PCSK2: variants seen among roughly 807,000 people sequenced by gnomAD.
PCSK2 encodes proprotein convertase subtilisin/kexin type 2, also known as neuroendocrine convertase 2.
Under a neutral mutation model 69.7 loss-of-function variants are expected in PCSK2, and 14 were observed. The ratio of observed to expected loss-of-function variants is 0.20; its 90% CI spans 0.13 to 0.31. PCSK2 has a LOEUF of 0.31. PCSK2 is among the 10% of genes least tolerant of loss of function. PCSK2 has a pLI of 1.00. For synonymous variants in PCSK2, 307 were observed against 320.7 expected, an observed-to-expected ratio of 0.96 and a Z score of 0.46; for missense variants, 544 against 842.5, an observed-to-expected ratio of 0.65 and a Z score of 4.39.
Position 17,409,269 on chromosome 20 carries a change from G to C in PCSK2, c.550G>C (p.Glu184Gln). The C allele has an allele frequency of 6.2e-7, 1 of 1,613,656 alleles. No homozygotes were observed. The highest frequency in any genetic ancestry group is 1.1e-5 in the South Asian group (1 of 91,076). ...GATGCCTTGTGTTTTTCAGAATGCC[G>C]AAGCAAGTTACGACTTCAGCAGCAA... Reference protein sequence around the residue: ...HPDLASNYNAEASYDFSSNDP... With the variant: ...HPDLASNYNAQASYDFSSNDP... The change falls in exon 6 of 12, where the codon GAA becomes CAA. Residue 184 changes from glutamate (E) to glutamine (Q), a missense_variant. Glu to Gln is a conservative substitution (Grantham distance 29). This residue lies in a region of PCSK2 where 187 missense variants were observed against 399.8 expected (regional missense o/e 0.47). Transcript: ENST00000262545.
chr20:17,227,535 G>T (rs1018364491), intron 1 of PCSK2, 53 bp downstream of exon 1: 27 of 1,389,120 alleles, frequency 1.9e-5, no homozygotes, highest in Non-Finnish European at 2.5e-5. Context: ...GGACGGGGGG[G>T]CAGCCCTGCG....
At chr20:17,358,561 G>C (rs2030286448) in intron 3 of PCSK2, 121 bp downstream of exon 3, 1 of 627,542 alleles carries the variant, frequency 1.6e-6, no homozygotes, top group Admixed American at 2.6e-5. Context: ...GACCCTCTCT[G>C]TCCCCTTACA....
At chr20:17,316,748 G>A (rs1989701625) in intron 2 of PCSK2, among the ~76,000 whole-genome samples, 1 of 152,336 alleles carries the variant, frequency 6.6e-6, no homozygotes, top group East Asian at 1.9e-4. Flanking sequence ...ATACTGTGAT[G>A]TGTGATGTTG....
intron 7 of PCSK2, among the ~76,000 whole-genome samples, chr20:17,434,194 T>A (rs1238967869): frequency 0.02 from 7 of 350 alleles, no homozygotes; most frequent in South Asian, 0.056. Context: ...ATCTACGCTC[T>A]CTCTCTCTCT....
chr20:17,425,067 C>T (rs2032217050), intron 6 of PCSK2, among the ~76,000 whole-genome samples: 1 of 152,150 alleles, frequency 6.6e-6, no homozygotes, highest in Admixed American at 6.6e-5. Flanking sequence ...TGAGCCACCA[C>T]ACCCAGCCTA....
chr20:17,477,192 A>G (rs1473368250), intron 11 of PCSK2, among the ~76,000 whole-genome samples: 4 of 152,206 alleles, frequency 2.6e-5, no homozygotes, highest in African/African-American at 9.6e-5. Flanking sequence ...CTTTTTGTAA[A>G]TGTGCTTTAC....
chr20:17,339,471 T>C (rs1990448106), intron 2 of PCSK2, among the ~76,000 whole-genome samples: 2 of 59,114 alleles, frequency 3.4e-5, no homozygotes, highest in South Asian at 8.1e-4. Context: ...ATGTTGATTT[T>C]TTTATTCCTT....
intron 1 of PCSK2, among the ~76,000 whole-genome samples, chr20:17,240,335 T>C (rs1986518033): frequency 1.3e-5 from 2 of 152,100 alleles, no homozygotes; most frequent in South Asian, 4.1e-4. Context: ...AGTTACAACT[T>C]ATCTGTGTTG....
At chr20:17,427,435 G>A (rs1286371151) in intron 6 of PCSK2, among the ~76,000 whole-genome samples, 4 of 152,092 alleles carry the variant, frequency 2.6e-5, no homozygotes, top group African/African-American at 9.7e-5. Context: ...GGACACCCCA[G>A]CAGCCCCTCA....
chr20:17,351,543 A>T (rs545937787), intron 2 of PCSK2, among the ~76,000 whole-genome samples: 1 of 152,370 alleles, frequency 6.6e-6, no homozygotes, highest in South Asian at 2.1e-4. Context: ...TTAGTTCAAC[A>T]TATGCAAATC....
intron 5 of PCSK2, among the ~76,000 whole-genome samples, chr20:17,397,374 T>C (rs2031533742): frequency 6.6e-6 from 1 of 152,188 alleles, no homozygotes; most frequent in Non-Finnish European, 1.5e-5. Context: ...GTAATATTCA[T>C]CAAAACTTGT....
At chr20:17,436,036 C>A (rs541223296) in intron 7 of PCSK2, among the ~76,000 whole-genome samples, 1 of 152,212 alleles carries the variant, frequency 6.6e-6, no homozygotes, top group African/African-American at 2.4e-5. Flanking sequence ...TGTGAGAAAT[C>A]ACTCCCACGA....
chr20:17,481,853 C>T lies in PCSK2; in HGVS notation c.1700C>T (p.Thr567Ile). ...ACGTGGGGGGAAGACGCCCGAGGCA[C>T]CTGGACCCTGGAGCTGGGATTTGTC... ...THTWGEDARGTWTLELGFVGS... is the reference protein window; with the variant it reads ...THTWGEDARGIWTLELGFVGS... Residue 567 changes from threonine (T) to isoleucine (I), a missense_variant, in exon 12 of 12, where the codon ACC (threonine) becomes ATC (isoleucine). This residue lies in a region of PCSK2 where 200 missense variants were observed against 287.8 expected (regional missense o/e 0.69). Transcript: ENST00000262545. 1.2e-6 allele frequency: 2 copies of T among 1,614,102 alleles called. No homozygotes were observed. Among genetic ancestry groups the T allele is most frequent in the East Asian group, 2.2e-5 (1 of 44,878 alleles).
intron 2 of PCSK2, among the ~76,000 whole-genome samples, chr20:17,292,871 C>G (rs1262032815): frequency 1.3e-5 from 2 of 152,170 alleles, no homozygotes; most frequent in African/African-American, 4.8e-5. Context: ...GGGGCCCAGG[C>G]TGGAGTGCAG....
At chr20:17,378,305 T>C (rs974972665) in intron 5 of PCSK2, among the ~76,000 whole-genome samples, 7 of 152,146 alleles carry the variant, frequency 4.6e-5, no homozygotes, top group African/African-American at 7.2e-5. Flanking sequence ...ATCTAGAAGC[T>C]TCATCAATAC....
intron 5 of PCSK2, among the ~76,000 whole-genome samples, chr20:17,373,487 A>G (rs534342914): frequency 6.6e-6 from 1 of 152,324 alleles, no homozygotes; most frequent in East Asian, 1.9e-4. Context: ...TACCAGGGAC[A>G]TGAGGGTTTC....
chr20:17,360,503 C>T (rs1416825883), intron 3 of PCSK2, 29 bp from the exon 4 acceptor site: 1 of 1,370,340 alleles, frequency 7.3e-7, no homozygotes. Context: ...AAACTAATAC[C>T]ATTCTCTGCT....
intron 6 of PCSK2, among the ~76,000 whole-genome samples, chr20:17,428,987 G>T (rs1409442895): frequency 1.0e-5 from 1 of 96,262 alleles, no homozygotes; most frequent in African/African-American, 4.4e-5. Context: ...TGACCGAGGA[G>T]ACTCTGTCTC....
At chr20:17,430,232 G>A (rs1340834897) in intron 7 of PCSK2, among the ~76,000 whole-genome samples, 4 of 152,136 alleles carry the variant, frequency 2.6e-5, no homozygotes, top group Non-Finnish European at 5.9e-5. Flanking sequence ...AAGAGAGAGA[G>A]ACACAGACAG....
Sources: allele counts gnomAD v4.1 joint callset (sites outside exome capture counted in the v4.1 genomes callset), GRCh38; gene constraint gnomAD v4.1.1; regional missense constraint gnomAD v4.1.1; transcripts MANE v1.5; gene names NCBI Gene and HGNC (gene_info 2026-07-23, HGNC 2026-07-21).